The following FANCL variants were observed in gnomAD, a reference collection of about 807,000 sequenced individuals.
FANCL encodes FA complementation group L.
A neutral mutation model predicts 59.4 loss-of-function variants in FANCL; 69 were observed. The ratio of observed to expected loss-of-function variants is 1.16; its 90% confidence interval spans 0.96 to 1.42. The LOEUF is 1.42. Among genes scored for constraint, FANCL ranks in the 40% most tolerant of loss-of-function variants. FANCL has a pLI of 0.00. For synonymous variants in FANCL, 180 were observed against 147.1 expected (o/e 1.22, Z -1.62); for missense variants, 519 against 447.2 (o/e 1.16, Z -1.45).
intron 7 of FANCL, among the ~76,000 whole-genome samples, chr2:58,175,983 CTAA>C (rs1687257146): frequency 6.6e-6 from 1 of 152,318 alleles, no homozygotes; most frequent in East Asian, 1.9e-4. Flanking sequence ...TTCTTACACA[CTAA>C]TAACAGACAA....
At chr2:58,169,462 A>C (rs1019976899) in intron 7 of FANCL, among the ~76,000 whole-genome samples, 1 of 152,160 alleles carries the variant, frequency 6.6e-6, no homozygotes, top group African/African-American at 2.4e-5. Context: ...CTCGCACAAA[A>C]AGGAGGAAAA....
intron 7 of FANCL, among the ~76,000 whole-genome samples, chr2:58,186,904 A>C (rs1341582126): frequency 6.6e-6 from 1 of 152,210 alleles, no homozygotes; most frequent in Non-Finnish European, 1.5e-5. Flanking sequence ...AATCATTAAA[A>C]AGTCAGGAAA....
At chr2:58,173,907 A>G (rs1341770802) in intron 7 of FANCL, among the ~76,000 whole-genome samples, 1 of 152,140 alleles carries the variant, frequency 6.6e-6, no homozygotes, top group Non-Finnish European at 1.5e-5. Context: ...ACAAGCAGAG[A>G]CACACATAGG....
chr2:58,203,760 A>G (rs1313925772), intron 6 of FANCL, among the ~76,000 whole-genome samples: 1 of 152,136 alleles, frequency 6.6e-6, no homozygotes, highest in African/African-American at 2.4e-5. Flanking sequence ...AGAAATTTAT[A>G]GTAACAGCTG....
rs1685876126 is a variant in FANCL, at chr2:58,165,779, C to T, written c.636G>A (p.Trp212Ter). The T allele has an allele frequency of 1.2e-6, 2 of 1,614,052 alleles. No homozygotes were observed. The highest frequency in any genetic ancestry group is 1.7e-6 in the Non-Finnish European group (2 of 1,179,976). ...GTGGAGGTTTTTCTGGCTCAAGTACCCAGGTCTTCTCATCGATTTCATCCA... is the reference window on the plus strand; with the variant it reads ...GTGGAGGTTTTTCTGGCTCAAGTACTCAGGTCTTCTCATCGATTTCATCCA... ...DVMDEIDEKT[W>*]VLEPEKPPRS... The change falls in exon 8 of 14, where the codon TGG becomes TGA. Residue 212 changes from tryptophan (W) to a stop codon, truncating the protein, a stop_gained. Transcript: ENST00000233741. LOFTEE classifies it high-confidence loss of function.
At chr2:58,219,163 AAAAAAAAAATATATATATATAT>A (rs1692181761) in intron 5 of FANCL, among the ~76,000 whole-genome samples, 1 of 88,218 alleles carries the variant, frequency 1.1e-5, no homozygotes, top group African/African-American at 7.3e-5. Flanking sequence ...AAAAAAAAAA[AAAAAAAAAATATATATATATAT>A]ATATATATAT....
chr2:58,173,364 A>C (rs1298650046), intron 7 of FANCL, among the ~76,000 whole-genome samples: 1 of 152,192 alleles, frequency 6.6e-6, no homozygotes, highest in Non-Finnish European at 1.5e-5. Flanking sequence ...ATGAAGGAAA[A>C]AATGTTAAGG....
intron 7 of FANCL, among the ~76,000 whole-genome samples, chr2:58,184,372 A>G (rs1355221958): frequency 6.6e-6 from 1 of 152,060 alleles, no homozygotes; most frequent in African/African-American, 2.4e-5. Flanking sequence ...ATCTACTATT[A>G]TTGTCTAAAA....
At position 58,159,413 on chromosome 2, in the gene FANCL, T is replaced by G. The variant is rs749191700; in HGVS notation, c.*352A>C. ...GAACCTTTGAATGAAGTAAACAGTT[T>G]CCCACAAAAAATCAGCTATACACAA... On this transcript the variant is annotated 3_prime_UTR_variant, in exon 14 of 14. Transcript: ENST00000233741. 6.2e-7 allele frequency: 1 copy of G among 1,613,564 alleles called. No individual in the cohort carries two copies. The highest frequency in any genetic ancestry group is 8.5e-7 in the Non-Finnish European group (1 of 1,179,698).
intron 7 of FANCL, among the ~76,000 whole-genome samples, chr2:58,169,978 C>T (rs1166801551): frequency 6.6e-6 from 1 of 152,160 alleles, no homozygotes; most frequent in Non-Finnish European, 1.5e-5. Context: ...AAAAAACACT[C>T]TTCAGGATGT....
At chr2:58,166,813 G>A (rs1685997405) in intron 7 of FANCL, among the ~76,000 whole-genome samples, 1 of 152,182 alleles carries the variant, frequency 6.6e-6, no homozygotes, top group Admixed American at 6.5e-5. Context: ...TAATACTTAA[G>A]GAAAACCCAT....
chr2:58,161,652 A>G lies in FANCL; in HGVS notation c.904-14T>C, dbSNP rs375672771. The G allele has an allele frequency of 3.2e-6, 5 of 1,556,736 alleles. No homozygotes were observed. Among genetic ancestry groups the G allele is most frequent in the Non-Finnish European group, 2.7e-6 (3 of 1,129,048 alleles). On this transcript the variant is annotated splice_polypyrimidine_tract_variant and intron_variant, in intron 11 of 13. Transcript: ENST00000233741. ...CATAGTAAAATCCTTCAAAAGAAAA[A>G]TATTTATAAAAAGCGTATGTGTCTC...
intron 1 of FANCL, among the ~76,000 whole-genome samples, chr2:58,235,212 A>C (rs1693907201): frequency 6.6e-6 from 1 of 152,028 alleles, no homozygotes; most frequent in Non-Finnish European, 1.5e-5. Flanking sequence ...CGAATTTCAG[A>C]GGATTCCTGA....
Position 58,202,153 on chromosome 2 carries a change from G to C in FANCL, c.471+1977C>G, listed in dbSNP as rs553001675. 2.0e-5 allele frequency among the ~76,000 whole-genome samples: 3 copies of C among 146,746 alleles called. No individual in the cohort carries two copies. In the East Asian group the frequency reaches 6.0e-4, roughly 30 times the overall value. ...TTTTCAGTTAATATTCCTATATGTG[G>C]AGTTTTTGTTGTTGTAAATTACTTT... On this transcript the variant is annotated intron_variant, in intron 6 of 13. Coordinates refer to ENST00000233741, the MANE Select transcript of FANCL (RefSeq NM_018062.4).
At chr2:58,184,952 C>T (rs1225430665) in intron 7 of FANCL, among the ~76,000 whole-genome samples, 3 of 152,072 alleles carry the variant, frequency 2.0e-5, no homozygotes, top group African/African-American at 7.2e-5. Flanking sequence ...GAAGGCACAC[C>T]AACCCACCAC....
chr2:58,226,510 A>C (rs573992496), intron 4 of FANCL, among the ~76,000 whole-genome samples: 120 of 152,286 alleles, frequency 7.9e-4, no homozygotes, highest in African/African-American at 2.7e-3. Flanking sequence ...AAGAATACCT[A>C]GTTTATAATA....
chr2:58,207,330 C>T (rs553149730), intron 5 of FANCL, among the ~76,000 whole-genome samples: 4 of 152,264 alleles, frequency 2.6e-5, no homozygotes, highest in East Asian at 1.9e-4. Context: ...CTGTTTAAAA[C>T]GGTAGCCACC....
chr2:58,197,010 C>T (rs1235698716), intron 7 of FANCL, among the ~76,000 whole-genome samples: 1 of 151,262 alleles, frequency 6.6e-6, no homozygotes, highest in Non-Finnish European at 1.5e-5. Flanking sequence ...AAAATTTATG[C>T]ATAATTCCAA....
chr2:58,206,347 G>C (rs903201743), intron 5 of FANCL, among the ~76,000 whole-genome samples: 8 of 152,112 alleles, frequency 5.3e-5, no homozygotes, highest in African/African-American at 1.9e-4. Context: ...CATGGAAGTT[G>C]TAAACATGAA....
Sources: gnomAD v4.1 joint callset for allele counts (sites outside exome capture counted in the v4.1 genomes callset) on GRCh38, gnomAD v4.1.1 for gene constraint, MANE v1.5 for transcripts, NCBI Gene and HGNC (gene_info 2026-07-23, HGNC 2026-07-21) for gene names.